Variants in FHOD3 observed in about 807,000 individuals in gnomAD.
The protein encoded by FHOD3 is formin homology 2 domain containing 3, also known as FH1/FH2 domain-containing protein 3.
Under a neutral mutation model 173.0 loss-of-function variants are expected in FHOD3, and 90 were observed. The ratio of observed to expected loss-of-function variants is 0.52; its 90% CI spans 0.44 to 0.62. The LOEUF is 0.62. Ranked by LOEUF, FHOD3 falls within the 20% of genes least tolerant of loss-of-function variation. The probability of loss-of-function intolerance (pLI) is 0.00; values close to 1 mark genes in which losing one functional copy is unlikely to be tolerated. For synonymous variants in FHOD3, 828 were observed against 823.0 expected (o/e 1.01, Z -0.10); for missense variants, 1,945 against 2,034.7 (o/e 0.96, Z 0.85).
intron 3 of FHOD3, among the ~76,000 whole-genome samples, chr18:36,440,018 C>T (rs2051045243): frequency 6.6e-6 from 1 of 152,166 alleles, no homozygotes. Flanking sequence ...GTCTTACTAG[C>T]TGTCTGGGTA....
intron 1 of FHOD3, among the ~76,000 whole-genome samples, chr18:36,343,019 C>G (rs934207521): frequency 1.3e-5 from 2 of 152,172 alleles, no homozygotes; most frequent in African/African-American, 4.8e-5. Context: ...CAAACAACAA[C>G]TAGTGTTGGT....
At chr18:36,752,411 G>T (rs984689551) in intron 24 of FHOD3, among the ~76,000 whole-genome samples, 1 of 152,194 alleles carries the variant, frequency 6.6e-6, no homozygotes, top group African/African-American at 2.4e-5. Flanking sequence ...ACAGTGGCAG[G>T]CTTGAGTAAG....
At chr18:36,659,796 G>T (rs2149205364) in intron 14 of FHOD3, among the ~76,000 whole-genome samples, 1 of 152,318 alleles carries the variant, frequency 6.6e-6, no homozygotes, top group East Asian at 1.9e-4. Context: ...GTTCTTCCCA[G>T]GTTCTGAAAG....
chr18:36,755,205 A>T lies in FHOD3; in HGVS notation c.4319A>T (p.Glu1440Val), dbSNP rs532990034. ...NINKFCRIIS[E>V]FALEYRTTRE... ...AACAAATTCTGCAGGATTATTAGTG[A>T]ATTTGCACTAGAGTATCGCACAACC... The change falls in exon 25 of 29, where the codon GAA becomes GTA. Residue 1440 changes from glutamate to valine, a missense_variant. Around this residue, in one of 5 missense-constraint regions of FHOD3, gnomAD observed 354 missense variants for 359.9 expected, o/e 0.98. Transcript: ENST00000590592. The T allele has an allele frequency of 2.1e-5, 34 of 1,612,602 alleles. No individual in the cohort carries two copies. Among genetic ancestry groups the T allele is most frequent in the African/African-American group, 2.7e-5 (2 of 74,734 alleles).
At chr18:36,600,760 C>T (rs1311202799) in intron 7 of FHOD3, among the ~76,000 whole-genome samples, 1 of 152,146 alleles carries the variant, frequency 6.6e-6, no homozygotes, top group African/African-American at 2.4e-5. Flanking sequence ...TGTTCCTTGG[C>T]CTTTGCTCCC....
chr18:36,423,073 C>T (rs2050067047), intron 3 of FHOD3, among the ~76,000 whole-genome samples: 1 of 149,526 alleles, frequency 6.7e-6, no homozygotes, highest in African/African-American at 2.5e-5. Context: ...TGGAGGTACA[C>T]ATGTCCCCCT....
intron 10 of FHOD3, among the ~76,000 whole-genome samples, chr18:36,645,020 G>A (rs962333350): frequency 1.3e-5 from 2 of 152,202 alleles, no homozygotes; most frequent in Non-Finnish European, 2.9e-5. Context: ...TCCTGATCAA[G>A]CTGAGGGAAG....
At chr18:36,389,594 G>A (rs2048198635) in intron 3 of FHOD3, among the ~76,000 whole-genome samples, 1 of 150,986 alleles carries the variant, frequency 6.6e-6, no homozygotes, top group South Asian at 2.1e-4. Context: ...CTTTCCTGGA[G>A]CATTGTTGTT....
In FHOD3 at chr18:36,451,690, C is replaced by G. The variant is rs374361595; in HGVS notation, c.338-50242C>G. ...AACCTGGCAGGAACAGAGCCCTGCT[C>G]AAGGGCAAGGCAAGAGAAGTCATGC... On this transcript the variant is annotated intron_variant, in intron 3 of 28. Coordinates refer to ENST00000590592, the MANE Select transcript of FHOD3 (RefSeq NM_001281740.3). Among the ~76,000 whole-genome samples, 11 of 152,326 alleles carry G rather than the reference C, an allele frequency of 7.2e-5. 1 individual carries two copies. The highest frequency in any genetic ancestry group is 3.3e-4 in the Admixed American group (5 of 15,308).
chr18:36,669,192 C>A (rs560030615), intron 14 of FHOD3, among the ~76,000 whole-genome samples: 1 of 151,952 alleles, frequency 6.6e-6, no homozygotes, highest in East Asian at 1.9e-4. Flanking sequence ...TGGCTTGACT[C>A]CTTTCATTTG....
At chr18:36,313,148 T>C (rs2144732861) in intron 1 of FHOD3, among the ~76,000 whole-genome samples, 1 of 152,314 alleles carries the variant, frequency 6.6e-6, no homozygotes, top group Non-Finnish European at 1.5e-5. Flanking sequence ...AGGTGGGTGC[T>C]GCTCTCCCTA....
chr18:36,421,080 G>A (rs867252943), intron 3 of FHOD3, among the ~76,000 whole-genome samples: 9 of 152,232 alleles, frequency 5.9e-5, no homozygotes, highest in African/African-American at 1.9e-4. Flanking sequence ...ATTGGCACTC[G>A]GGTGCTTGAA....
chr18:36,641,239 C>G (rs947932398), intron 10 of FHOD3, among the ~76,000 whole-genome samples: 2 of 152,162 alleles, frequency 1.3e-5, no homozygotes, highest in African/African-American at 4.8e-5. Flanking sequence ...ATGGCTCTTG[C>G]AAGGACTCCA....
intron 21 of FHOD3, among the ~76,000 whole-genome samples, chr18:36,741,669 G>A (rs889703497): frequency 1.3e-5 from 2 of 152,080 alleles, no homozygotes; most frequent in Non-Finnish European, 2.9e-5. Flanking sequence ...TACTCAGGAG[G>A]CTGTGGCAGG....
intron 23 of FHOD3, 102 bp downstream of exon 23, chr18:36,744,295 A>G: frequency 6.8e-6 from 8 of 1,171,970 alleles, no homozygotes; most frequent in Non-Finnish European, 9.6e-6. Context: ...TAAAATGCCC[A>G]AGTGCTGCCT....
chr18:36,340,803 A>T (rs1194524400), intron 1 of FHOD3, among the ~76,000 whole-genome samples: 1 of 150,994 alleles, frequency 6.6e-6, no homozygotes, highest in African/African-American at 2.4e-5. Context: ...CGCCCGGCTA[A>T]TTTTTTTGTA....
rs543710721 is a variant in FHOD3 at position 36,418,550 on chromosome 18, A to G, written c.337+45806A>G. Reference sequence around the variant, plus strand: ...TGATGAAAGTGTGTGTGGAAGGCACATGGCAAAACGTTGACTTTTGCTACT... The same window carrying G: ...TGATGAAAGTGTGTGTGGAAGGCACGTGGCAAAACGTTGACTTTTGCTACT... On this transcript the variant is annotated intron_variant, in intron 3 of 28. Coordinates refer to ENST00000590592, the MANE Select transcript of FHOD3 (RefSeq NM_001281740.3). Among the ~76,000 whole-genome samples, 4 of 152,318 alleles carry G rather than the reference A, an allele frequency of 2.6e-5. No homozygotes were observed. In the East Asian group the frequency reaches 7.7e-4, roughly 29 times the overall value.
At chr18:36,716,031 AAAGT>A (rs1355886772) in intron 18 of FHOD3, among the ~76,000 whole-genome samples, 7 of 152,198 alleles carry the variant, frequency 4.6e-5, no homozygotes, top group Middle Eastern at 3.2e-3. Context: ...CGATGAATGA[AAAGT>A]AAGGAAGGAT....
intron 15 of FHOD3, among the ~76,000 whole-genome samples, chr18:36,685,102 C>T (rs1254251456): frequency 1.3e-5 from 2 of 152,142 alleles, no homozygotes; most frequent in Non-Finnish European, 2.9e-5. Flanking sequence ...ATTGCACCTG[C>T]CCATGTGTTA....
Sources: gnomAD v4.1 joint callset for allele counts (sites outside exome capture counted in the v4.1 genomes callset) on GRCh38, gnomAD v4.1.1 for gene constraint, gnomAD v4.1.1 regional missense constraint, MANE v1.5 for transcripts, NCBI Gene and HGNC (gene_info 2026-07-23, HGNC 2026-07-21) for gene names.